The following DNAH11 variants were observed in gnomAD, a reference collection of about 807,000 sequenced individuals.
DNAH11 encodes the protein axonemal beta dynein heavy chain 11.
DNAH11 carries 442 observed loss-of-function variants against 526.0 expected under a neutral mutation model. The ratio of observed to expected loss-of-function variants is 0.84; its 90% CI spans 0.78 to 0.91. The LOEUF (loss-of-function observed/expected upper bound fraction) is 0.91, where lower values mean the gene tolerates loss of function less well. DNAH11 is among the 40% of genes least tolerant of loss of function. The probability of loss-of-function intolerance (pLI) is 0.00; values close to 1 mark genes in which losing one functional copy is unlikely to be tolerated. For synonymous variants in DNAH11, 2,461 were observed against 1,935.9 expected, an observed-to-expected ratio of 1.27 and a Z score of -7.12; for missense variants, 6,989 against 5,448.7, an observed-to-expected ratio of 1.28 and a Z score of -8.90.
intron 35 of DNAH11, among the ~76,000 whole-genome samples, chr7:21,696,418 T>C (rs2128476612): frequency 6.6e-6 from 1 of 152,344 alleles, no homozygotes; most frequent in Non-Finnish European, 1.5e-5. Context: ...TGTTTTTCTT[T>C]CCTCATAACA....
intron 54 of DNAH11, among the ~76,000 whole-genome samples, chr7:21,753,291 T>C (rs1264467412): frequency 6.6e-6 from 1 of 152,144 alleles, no homozygotes; most frequent in African/African-American, 2.4e-5. Flanking sequence ...CCCCAAACCC[T>C]AAGCTCATGT....
intron 34 of DNAH11, among the ~76,000 whole-genome samples, chr7:21,689,928 C>A (rs978159412): frequency 1.3e-5 from 2 of 152,196 alleles, no homozygotes; most frequent in Admixed American, 1.3e-4. Flanking sequence ...CCATTCATTG[C>A]CCTGGCCAGC....
chr7:21,733,593 C>G (rs997249494), intron 45 of DNAH11, among the ~76,000 whole-genome samples: 2 of 152,150 alleles, frequency 1.3e-5, no homozygotes, highest in Non-Finnish European at 2.9e-5. Context: ...GATTGATGCA[C>G]CTTAGCGATG....
rs572201950 is a variant in DNAH11, at chr7:21,578,061, G to C, written c.1594-3844G>C. Among the ~76,000 whole-genome samples the C allele has an allele frequency of 3.3e-5, 5 of 152,234 alleles. No individual in the cohort carries two copies. In the East Asian group the frequency reaches 9.7e-4, roughly 29 times the overall value. ...ACTTACAATCATGATGGAAGATGAA[G>C]GGGAAGCAAGGACCTTCTTCACATA... is the stretch of plus-strand genomic sequence containing the variant. On this transcript the variant is annotated intron_variant, in intron 8 of 81. Transcript: ENST00000409508.
chr7:21,890,292 T>A (rs554133854), intron 76 of DNAH11, among the ~76,000 whole-genome samples: 2 of 152,342 alleles, frequency 1.3e-5, no homozygotes, highest in Admixed American at 1.3e-4. Flanking sequence ...CCTTCGCTCA[T>A]TGCCTACCAT....
chr7:21,607,394 G>A (rs1256625015), intron 20 of DNAH11, among the ~76,000 whole-genome samples: 1 of 151,912 alleles, frequency 6.6e-6, no homozygotes, highest in African/African-American at 2.4e-5. Flanking sequence ...ATCTCCTTTG[G>A]CATCACCCTC....
rs368901468 is a variant in DNAH11, at chr7:21,735,630, C to G, written c.7441-10C>G. The G allele has an allele frequency of 6.9e-4, 1,081 of 1,565,888 alleles. 1 individual carries two copies. The highest frequency in any genetic ancestry group is 8.8e-4 in the Non-Finnish European group (1,015 of 1,153,736). Reference sequence around the variant, plus strand: ...TTCTGATCTTTGTCTCATTCTGTTTCTCCTCCCAGACAGTTCTCGTTCACA... The same window carrying G: ...TTCTGATCTTTGTCTCATTCTGTTTGTCCTCCCAGACAGTTCTCGTTCACA... On this transcript the variant is annotated splice_polypyrimidine_tract_variant and intron_variant, in intron 45 of 81. Coordinates refer to ENST00000409508, the MANE Select transcript of DNAH11 (RefSeq NM_001277115.2).
chr7:21,862,476 A>T (rs1783103380), intron 69 of DNAH11, among the ~76,000 whole-genome samples: 1 of 152,136 alleles, frequency 6.6e-6, no homozygotes, highest in Non-Finnish European at 1.5e-5. Context: ...CATTGTGTGT[A>T]ATTAATAACG....
chr7:21,641,039 C>A (rs1472153755), intron 28 of DNAH11, among the ~76,000 whole-genome samples: 2 of 152,142 alleles, frequency 1.3e-5, no homozygotes, highest in African/African-American at 4.8e-5. Context: ...CAAAGGGAAC[C>A]TCCCCAGGGA....
At chr7:21,855,983 A>C (rs1782832414) in intron 68 of DNAH11, among the ~76,000 whole-genome samples, 1 of 152,180 alleles carries the variant, frequency 6.6e-6, no homozygotes, top group African/African-American at 2.4e-5. Context: ...TTATTTCTGA[A>C]GGATAAGTAG....
At chr7:21,705,362 C>A in intron 38 of DNAH11, 98 bp from the exon 39 acceptor site, 1 of 1,189,304 alleles carries the variant, frequency 8.4e-7, no homozygotes, top group Non-Finnish European at 1.2e-6. Flanking sequence ...TGGGGGCTGG[C>A]TTGGGTGTAA....
intron 8 of DNAH11, among the ~76,000 whole-genome samples, chr7:21,577,438 C>G (rs1358344683): frequency 6.6e-6 from 1 of 152,190 alleles, no homozygotes; most frequent in African/African-American, 2.4e-5. Flanking sequence ...CAGGAATGAA[C>G]TTCATTCTCT....
At chr7:21,682,120 C>T (rs188631515) in intron 31 of DNAH11, among the ~76,000 whole-genome samples, 1 of 152,156 alleles carries the variant, frequency 6.6e-6, no homozygotes, top group Non-Finnish European at 1.5e-5. Flanking sequence ...GGTCATAATT[C>T]TAGGTTGTCA....
intron 28 of DNAH11, among the ~76,000 whole-genome samples, chr7:21,641,046 G>T (rs1366393633): frequency 6.6e-6 from 1 of 152,158 alleles, no homozygotes; most frequent in East Asian, 1.9e-4. Context: ...AACCTCCCCA[G>T]GGATGTATAT....
chr7:21,776,074 T>G (rs1195253800), intron 56 of DNAH11, among the ~76,000 whole-genome samples: 1 of 152,162 alleles, frequency 6.6e-6, no homozygotes, highest in Non-Finnish European at 1.5e-5. Flanking sequence ...GATTTCTTAA[T>G]AGTCACCTCA....
intron 30 of DNAH11, among the ~76,000 whole-genome samples, chr7:21,667,871 G>T (rs528663146): frequency 6.6e-6 from 1 of 152,134 alleles, no homozygotes; most frequent in South Asian, 2.1e-4. Context: ...AAATAATTTA[G>T]AAAACTCAAG....
chr7:21,665,664 G>C (rs1289985927), intron 30 of DNAH11, among the ~76,000 whole-genome samples: 4 of 152,016 alleles, frequency 2.6e-5, no homozygotes, highest in Admixed American at 6.6e-5. Context: ...CTTTGTTCTA[G>C]AGTTAAATAG....
At chr7:21,551,724 G>A (rs1346059575) in intron 2 of DNAH11, among the ~76,000 whole-genome samples, 2 of 152,168 alleles carry the variant, frequency 1.3e-5, no homozygotes, top group Non-Finnish European at 2.9e-5. Flanking sequence ...ATCATGTAGT[G>A]GAGCTTCCCT....
At chr7:21,608,765 A>G (rs368178742) in intron 20 of DNAH11, among the ~76,000 whole-genome samples, 1 of 152,336 alleles carries the variant, frequency 6.6e-6, no homozygotes, top group East Asian at 1.9e-4. Flanking sequence ...AACATTTACT[A>G]CAGTTACTTA....
Sources: allele counts gnomAD v4.1 joint callset (sites outside exome capture counted in the v4.1 genomes callset), GRCh38; gene constraint gnomAD v4.1.1; transcripts MANE v1.5; gene names NCBI Gene and HGNC (gene_info 2026-07-23, HGNC 2026-07-21).